Variants in KCNMA1 observed in about 807,000 individuals in gnomAD.
KCNMA1 encodes the protein Calcium-activated potassium channel subunit alpha-1.
Under a neutral mutation model 140.0 loss-of-function variants are expected in KCNMA1, and 29 were observed. The ratio of observed to expected loss-of-function variants is 0.21; its 90% CI spans 0.15 to 0.28. The LOEUF is 0.28. Among genes scored for constraint, KCNMA1 ranks in the 10% least tolerant of loss-of-function variants. The probability of loss-of-function intolerance (pLI) is 1.00; values close to 1 mark genes in which losing one functional copy is unlikely to be tolerated. For synonymous variants in KCNMA1, 612 were observed against 611.9 expected, an observed-to-expected ratio of 1.00 and a Z score of 0.00; for missense variants, 880 against 1,602.2, an observed-to-expected ratio of 0.55 and a Z score of 7.70.
chr10:77,332,959 C>CA (rs1420046581), intron 2 of KCNMA1, among the ~76,000 whole-genome samples: 1 of 152,172 alleles, frequency 6.6e-6, no homozygotes, highest in African/African-American at 2.4e-5. Flanking sequence ...GCACGAAGAG[C>CA]AAGTTCTTAG....
intron 19 of KCNMA1, among the ~76,000 whole-genome samples, chr10:76,980,948 A>C (rs2153228991): frequency 6.6e-6 from 1 of 152,334 alleles, no homozygotes; most frequent in South Asian, 2.1e-4. Context: ...TCTCACCAAT[A>C]AAATGAGAAT....
chr10:77,001,327 A>T, intron 19 of KCNMA1, 80 bp downstream of exon 19: 2 of 1,348,568 alleles, frequency 1.5e-6, no homozygotes, highest in African/African-American at 1.4e-5. Flanking sequence ...CTGACTCAGA[A>T]CCACAGGGCA....
At chr10:77,492,199 T>C (rs1048174125) in intron 1 of KCNMA1, among the ~76,000 whole-genome samples, 1 of 152,198 alleles carries the variant, frequency 6.6e-6, no homozygotes, top group African/African-American at 2.4e-5. Flanking sequence ...GTCCCCAACC[T>C]GATGTTCTCA....
intron 2 of KCNMA1, among the ~76,000 whole-genome samples, chr10:77,254,028 T>C (rs1489384315): frequency 2.0e-5 from 3 of 152,098 alleles, no homozygotes; most frequent in African/African-American, 7.2e-5. Context: ...GTCTCTCTCT[T>C]TCTCTATCTC....
intron 2 of KCNMA1, among the ~76,000 whole-genome samples, chr10:77,306,031 C>T (rs186522209): frequency 6.6e-6 from 1 of 152,310 alleles, no homozygotes; most frequent in East Asian, 1.9e-4. Context: ...ATGTCTGGGG[C>T]TCACTTCACC....
chr10:77,153,557 G>A (rs1223827884), intron 5 of KCNMA1, among the ~76,000 whole-genome samples: 1 of 151,862 alleles, frequency 6.6e-6, no homozygotes, highest in Admixed American at 6.6e-5. Flanking sequence ...ATTTTTTCTA[G>A]AGATGGGTTT....
chr10:77,499,894 A>G (rs997067220), intron 1 of KCNMA1, among the ~76,000 whole-genome samples: 1 of 152,164 alleles, frequency 6.6e-6, no homozygotes, highest in Non-Finnish European at 1.5e-5. Flanking sequence ...AATAATAATA[A>G]GTAGAAGTTT....
chr10:77,005,286 G>T (rs964015369), intron 18 of KCNMA1, among the ~76,000 whole-genome samples: 3 of 152,198 alleles, frequency 2.0e-5, no homozygotes, highest in African/African-American at 7.2e-5. Flanking sequence ...CAGATGATTA[G>T]GGGTAGGGGC....
At chr10:76,918,918 T>TCACACACACACACACA (rs71477059) in intron 23 of KCNMA1, among the ~76,000 whole-genome samples, 1 of 144,254 alleles carries the variant, frequency 6.9e-6, no homozygotes, top group African/African-American at 2.5e-5. Context: ...ATATATCACA[T>TCACACACACACACACA]CACACACACA....
intron 14 of KCNMA1, chr10:77,071,417 C>A (rs2096207350): frequency 2.6e-5 from 4 of 152,158 alleles, no homozygotes; most frequent in Admixed American, 2.6e-4. Context: ...TGGGCCATGC[C>A]CTGGAAGAAA....
chr10:77,133,036 T>A (rs1457514727), intron 5 of KCNMA1, among the ~76,000 whole-genome samples: 1 of 151,924 alleles, frequency 6.6e-6, no homozygotes, highest in African/African-American at 2.4e-5. Flanking sequence ...TGTGCAGAAA[T>A]TCTTGTCTTG....
chr10:77,236,195 G>T (rs2055382431), intron 3 of KCNMA1, among the ~76,000 whole-genome samples: 1 of 152,182 alleles, frequency 6.6e-6, no homozygotes, highest in South Asian at 2.1e-4. Flanking sequence ...GTCACACATT[G>T]ATGCTGGGAG....
chr10:77,183,577 T>C lies in KCNMA1; in HGVS notation c.697-45A>G, dbSNP rs147672336. 6.0e-6 allele frequency: 8 copies of C among 1,327,412 alleles called. No homozygotes were observed. In the African/African-American group the frequency reaches 1.0e-4, roughly 17 times the overall value. The allele number at this position is 1,327,412 out of a possible 1,614,324, so 82.2% of individuals were successfully genotyped here. On this transcript the variant is annotated intron_variant, in intron 4 of 27. Coordinates refer to ENST00000286628, the MANE Select transcript of KCNMA1 (RefSeq NM_001161352.2). ...AGAAAGAGAAAAAACATGAGAAGCA[T>C]GGTGCTGGCATCCAATGTACACTCT...
At chr10:77,364,701 C>T (rs1366636904) in intron 2 of KCNMA1, among the ~76,000 whole-genome samples, 1 of 152,182 alleles carries the variant, frequency 6.6e-6, no homozygotes, top group African/African-American at 2.4e-5. Context: ...GTGGCTACAA[C>T]CTGAGTGGCC....
chr10:77,587,788 C>T (rs2154564108), intron 1 of KCNMA1: 4 of 985,176 alleles, frequency 4.1e-6, no homozygotes, highest in East Asian at 1.1e-4. Context: ...ACTTACTGAG[C>T]GCCTATCAGA....
Position 77,000,493 on chromosome 10 carries a change from A to G in KCNMA1, c.2266+914T>C, listed in dbSNP as rs200910250. Among the ~76,000 whole-genome samples, 27 of 152,258 alleles carry G rather than the reference A, an allele frequency of 1.8e-4. No homozygotes were observed. In the East Asian group the frequency reaches 5.2e-3, roughly 30 times the overall value. ...CTGGCACATCTCAGCCTTGCCAGCT[A>G]CCAGCTGCATAGCCTTGACAGGTTC... On this transcript the variant is annotated intron_variant, in intron 19 of 27. Transcript: ENST00000286628.
chr10:77,261,825 A>T (rs185392883), intron 2 of KCNMA1, among the ~76,000 whole-genome samples: 1 of 152,214 alleles, frequency 6.6e-6, no homozygotes, highest in Admixed American at 6.5e-5. Context: ...GTATTGAAAA[A>T]CCTAGGGGAA....
At chr10:77,072,424 G>GT (rs973602788) in intron 14 of KCNMA1, among the ~76,000 whole-genome samples, 3 of 151,802 alleles carry the variant, frequency 2.0e-5, no homozygotes, top group East Asian at 1.9e-4. Context: ...GACAGAGTCG[G>GT]TTTTTTTTCT....
At chr10:77,514,333 T>C (rs2154549085) in intron 1 of KCNMA1, among the ~76,000 whole-genome samples, 1 of 152,306 alleles carries the variant, frequency 6.6e-6, no homozygotes, top group Non-Finnish European at 1.5e-5. Flanking sequence ...CGAATCACTT[T>C]GCATCCTGGC....
Sources: allele counts gnomAD v4.1 joint callset (sites outside exome capture counted in the v4.1 genomes callset), GRCh38; gene constraint gnomAD v4.1.1; transcripts MANE v1.5; gene names NCBI Gene and HGNC (gene_info 2026-07-23, HGNC 2026-07-21).